The following TUBG1 variants were observed in gnomAD, a reference collection of about 807,000 sequenced individuals.
TUBG1 encodes the protein tubulin gamma-1 chain.
Under a neutral mutation model 53.3 loss-of-function variants are expected in TUBG1, and 22 were observed. The observed-to-expected ratio is 0.41, with a 90% CI of 0.29 to 0.59. TUBG1 has a LOEUF of 0.59. TUBG1 is among the 20% of genes least tolerant of loss of function. The pLI is 0.26. For missense variants in TUBG1, 217 were observed against 598.9 expected, an observed-to-expected ratio of 0.36 and a Z score of 6.66; for synonymous variants, 198 against 236.7, an observed-to-expected ratio of 0.84 and a Z score of 1.50.
intron 3 of TUBG1, among the ~76,000 whole-genome samples, chr17:42,611,549 G>A (rs1447469957): frequency 6.6e-6 from 1 of 152,164 alleles, no homozygotes; most frequent in Non-Finnish European, 1.5e-5. Context: ...AAGCTGCCCA[G>A]AGCTACATAG....
chr17:42,612,870 C>T, intron 5 of TUBG1, 77 bp from the exon 6 acceptor site: 7 of 1,583,814 alleles, frequency 4.4e-6, no homozygotes, highest in Non-Finnish European at 6.0e-6. Flanking sequence ...TTATCTGCTT[C>T]TGGACAGTTG....
Position 42,614,783 on chromosome 17 carries a change from C to CT in TUBG1, c.1159-58dup. On this transcript the variant is annotated intron_variant, in intron 10 of 10. Coordinates refer to ENST00000251413, the MANE Select transcript of TUBG1 (RefSeq NM_001070.5). The surrounding 1 kb of genome is among the most constrained non-coding windows in gnomAD (Gnocchi z 5.1). ...GCATAGCCCAGCCTTGGTTCCCCAG[C>CT]TTTCTGGGCCACGTTATTCTTTGAA... is the stretch of plus-strand genomic sequence containing the variant. 6.2e-7 allele frequency: 1 copy of CT among 1,610,846 alleles called. No homozygotes were observed. The highest frequency in any genetic ancestry group is 8.5e-7 in the Non-Finnish European group (1 of 1,177,916).
rs200299735 is a variant in TUBG1, at chr17:42,614,228, C to T, written c.844-32C>T. 191 of 1,613,678 alleles carry T rather than the reference C, an allele frequency of 1.2e-4. 1 individual carries two copies. Among genetic ancestry groups the T allele is most frequent in the Middle Eastern group, 6.7e-4 (4 of 5,928 alleles). ...CCAAAGGGGGACTGTGCCCTGAGCG[C>T]TGGCCGGGTCCCTGTCTCACTGTCC... On this transcript the variant is annotated intron_variant, in intron 8 of 10. Coordinates refer to ENST00000251413, the MANE Select transcript of TUBG1 (RefSeq NM_001070.5). The surrounding 1 kb of genome is among the most constrained non-coding windows in gnomAD (Gnocchi z 5.1).
chr17:42,614,236 G>T lies in TUBG1; in HGVS notation c.844-24G>T. ...GGACTGTGCCCTGAGCGCTGGCCGG[G>T]TCCCTGTCTCACTGTCCTATCAGGT... On this transcript the variant is annotated intron_variant, in intron 8 of 10. Coordinates refer to ENST00000251413, the MANE Select transcript of TUBG1 (RefSeq NM_001070.5). This position sits in a 1 kb window ranked among gnomAD's most constrained non-coding sequence, Gnocchi z 5.1. 1.2e-6 allele frequency: 2 copies of T among 1,613,866 alleles called. No homozygotes were observed. Among genetic ancestry groups the T allele is most frequent in the Non-Finnish European group, 1.7e-6 (2 of 1,179,832 alleles).
chr17:42,612,421 A>G lies in TUBG1; in HGVS notation c.400-6A>G, dbSNP rs202005162. The G allele has an allele frequency of 3.7e-5, 60 of 1,613,750 alleles. No individual in the cohort carries two copies. The Admixed American group carries it at 5.0e-4, about 13-fold the overall frequency. ...CCTGTACACTGACTGCCCCTTCCCC[A>G]TGCAGGGCTTTGTGCTGTGTCACTC... On this transcript the variant is annotated splice_polypyrimidine_tract_variant and splice_region_variant and intron_variant, in intron 4 of 10. Coordinates refer to ENST00000251413, the MANE Select transcript of TUBG1 (RefSeq NM_001070.5).
intron 6 of TUBG1, 53 bp downstream of exon 6, chr17:42,613,126 G>A (rs1302213238): frequency 6.3e-7 from 1 of 1,587,590 alleles, no homozygotes; most frequent in African/African-American, 1.4e-5. Flanking sequence ...ACCCACTCGA[G>A]TCTATTAAAT....
At position 42,614,066 on chromosome 17, in the gene TUBG1, C is replaced by T; in HGVS notation, c.843+68C>T. On this transcript the variant is annotated intron_variant, in intron 8 of 10. Transcript: ENST00000251413. The surrounding 1 kb of genome is among the most constrained non-coding windows in gnomAD (Gnocchi z 5.1). ...CCCAACAGGCCCTGTCCTAGCCTTT[C>T]TCTCTTCCCCACTGCCCCAGGAGCT... 2 of 1,607,972 alleles carry T rather than the reference C, an allele frequency of 1.2e-6. No individual in the cohort carries two copies. The highest frequency in any genetic ancestry group is 1.7e-6 in the Non-Finnish European group (2 of 1,176,532).
chr17:42,615,040 G>A lies in TUBG1; in HGVS notation c.1355G>A (p.Ter452=). Residue 452 remains the stop codon, a stop_retained_variant, in exon 11 of 11, where the codon TGA becomes TAA. Transcript: ENST00000251413. Reference sequence around the variant, plus strand: ...ATCTCCTGGGGCACCCAGGAGCAGTGAGTCCCCCAGGACAGGGACCCTCAT... The same window carrying A: ...ATCTCCTGGGGCACCCAGGAGCAGTAAGTCCCCCAGGACAGGGACCCTCAT... ...DYISWGTQEQ[*] 6.2e-7 allele frequency: 1 copy of A among 1,614,014 alleles called. No individual in the cohort carries two copies.
Position 42,613,931 on chromosome 17 carries a change from C to A in TUBG1, c.776C>A (p.Ser259Ter), listed in dbSNP as rs1555631383. 6.2e-7 allele frequency: 1 copy of A among 1,614,204 alleles called. No homozygotes were observed. Among genetic ancestry groups the A allele is most frequent in the African/African-American group, 1.3e-5 (1 of 75,046 alleles). ...AATGACCTCATCGGCCTCATCGCCT[C>A]GCTCATTCCCACCCCACGGCTCCAC... ...MNNDLIGLIA[S>*]LIPTPRLHFL... The change falls in exon 8 of 11, where the codon TCG becomes TAG. Residue 259 changes from serine (S) to a stop codon, truncating the protein, a stop_gained. Coordinates refer to ENST00000251413, the MANE Select transcript of TUBG1 (RefSeq NM_001070.5). LOFTEE classifies it high-confidence loss of function.
At chr17:42,611,582 G>T (rs1286612807) in intron 3 of TUBG1, among the ~76,000 whole-genome samples, 1 of 152,170 alleles carries the variant, frequency 6.6e-6, no homozygotes, top group Non-Finnish European at 1.5e-5. Flanking sequence ...TGGGCCAGGC[G>T]TGGTGGCTCA....
rs753923795 is a variant in TUBG1 at position 42,614,849 on chromosome 17, CGA to C, written c.1169_1170del (p.Arg390AsnfsTer6). ...ANHTSISSLF[E>X]RTCRQYDKLR... ...TGTTTTCTGCACACCCCAAGCTCTT[CGA>C]GAGAACCTGTCGCCAGTATGACAAG... is the stretch of plus-strand genomic sequence containing the variant. On this transcript the variant is annotated frameshift_variant, in exon 11 of 11. Transcript: ENST00000251413. LOFTEE classifies it high-confidence loss of function. The surrounding 1 kb of genome is among the most constrained non-coding windows in gnomAD (Gnocchi z 5.1). 1 of 1,614,196 alleles carries C rather than the reference CGA, an allele frequency of 6.2e-7. No individual in the cohort carries two copies. The highest frequency in any genetic ancestry group is 1.1e-5 in the South Asian group (1 of 91,080).
intron 3 of TUBG1, among the ~76,000 whole-genome samples, chr17:42,611,810 C>A (rs945671282): frequency 2.0e-5 from 3 of 151,122 alleles, no homozygotes; most frequent in African/African-American, 7.3e-5. Context: ...GAGCCAAGAT[C>A]GCGCCACTGC....
At chr17:42,611,940 A>G (rs189321837) in intron 3 of TUBG1, 135 bp from the exon 4 acceptor site, 15 of 718,260 alleles carry the variant, frequency 2.1e-5, no homozygotes, top group East Asian at 2.6e-5. Flanking sequence ...CTGCCTCTCA[A>G]TGTAGATAAA....
chr17:42,613,731 C>T lies in TUBG1; in HGVS notation c.691C>T (p.Leu231=), dbSNP rs371191668. 9.3e-6 allele frequency: 15 copies of T among 1,614,070 alleles called. No individual in the cohort carries two copies. The Middle Eastern group carries it at 4.9e-4, about 53-fold the overall frequency. The part of the protein sequence containing the change: ...QNPSFSQINQ[L]VSTIMSASTT... ...CCCATCCTTCTCCCAGATCAACCAG[C>T]TGGTGGGCCCCCACTCCTGGACTCC... Residue 231 remains leucine (L), a splice_region_variant and synonymous_variant, in exon 7 of 11, where the codon CTG becomes TTG. Coordinates refer to ENST00000251413, the MANE Select transcript of TUBG1 (RefSeq NM_001070.5).
In TUBG1 at chr17:42,614,694, A is replaced by G. The variant is rs563602287; in HGVS notation, c.1158+37A>G. On this transcript the variant is annotated intron_variant, in intron 10 of 10. Coordinates refer to ENST00000251413, the MANE Select transcript of TUBG1 (RefSeq NM_001070.5). This position sits in a 1 kb window ranked among gnomAD's most constrained non-coding sequence, Gnocchi z 5.1. The stretch of plus-strand genomic sequence containing the variant: ...AGTTTGCACCTTTTTTCCCTGAATC[A>G]GTTTCCTGACTATACCTCACCTCTC... 13 of 1,612,100 alleles carry G rather than the reference A, an allele frequency of 8.1e-6. 1 individual carries two copies. The South Asian group carries it at 1.3e-4, about 16-fold the overall frequency.
rs1258311266 is a variant in TUBG1, at chr17:42,613,022, T to G, written c.555T>G (p.Pro185=). 6.2e-7 allele frequency: 1 copy of G among 1,613,966 alleles called. No homozygotes were observed. Among genetic ancestry groups the G allele is most frequent in the African/African-American group, 1.3e-5 (1 of 74,898 alleles). ...AGATGAGCGATGTGGTGGTCCAGCC[T>G]TACAATTCACTCCTCACACTCAAGA... The part of the protein sequence containing the change: ...QDEMSDVVVQ[P]YNSLLTLKRL... The change falls in exon 6 of 11, where the codon CCT becomes CCG. Residue 185 remains proline, a synonymous_variant. Coordinates refer to ENST00000251413, the MANE Select transcript of TUBG1 (RefSeq NM_001070.5).
At chr17:42,609,842 C>A in intron 1 of TUBG1, 56 bp downstream of exon 1, 1 of 1,529,740 alleles carries the variant, frequency 6.5e-7, no homozygotes, top group Non-Finnish European at 8.8e-7. Context: ...AATGGGATCT[C>A]GCTGTGGGAT....
chr17:42,614,880 CG>C lies in TUBG1; in HGVS notation c.1196del (p.Arg399LeufsTer112), dbSNP rs757312933. The C allele has an allele frequency of 1.2e-6, 2 of 1,614,200 alleles. No homozygotes were observed. Among genetic ancestry groups the C allele is most frequent in the Non-Finnish European group, 1.7e-6 (2 of 1,180,034 alleles). Reference sequence around the variant, plus strand: ...AACCTGTCGCCAGTATGACAAGCTGCGTAAGCGGGAGGCCTTCCTGGAGCAG... The same window carrying C: ...AACCTGTCGCCAGTATGACAAGCTGCTAAGCGGGAGGCCTTCCTGGAGCAG... ...ERTCRQYDKL[R>X]KREAFLEQFR... On this transcript the variant is annotated frameshift_variant, in exon 11 of 11. Coordinates refer to ENST00000251413, the MANE Select transcript of TUBG1 (RefSeq NM_001070.5). LOFTEE classifies it high-confidence loss of function. The surrounding 1 kb of genome is among the most constrained non-coding windows in gnomAD (Gnocchi z 5.1).
intron 6 of TUBG1, 118 bp from the exon 7 acceptor site, chr17:42,613,529 T>G: frequency 6.7e-7 from 1 of 1,502,824 alleles, no homozygotes; most frequent in Non-Finnish European, 9.2e-7. Flanking sequence ...CAAATCTCTT[T>G]CCAGTGAGTC....
Sources: allele counts gnomAD v4.1 joint callset (sites outside exome capture counted in the v4.1 genomes callset), GRCh38; gene constraint gnomAD v4.1.1; non-coding constraint Gnocchi (gnomAD v3.1); transcripts MANE v1.5; gene names NCBI Gene and HGNC (gene_info 2026-07-23, HGNC 2026-07-21).